The following BLVRA variants were observed in gnomAD, a reference collection of about 807,000 sequenced individuals.
The protein encoded by BLVRA is biliverdin reductase A.
BLVRA carries 22 observed loss-of-function variants against 32.8 expected under a neutral mutation model. That is an observed-to-expected ratio of 0.67 (90% CI 0.48 to 0.96). The LOEUF (loss-of-function observed/expected upper bound fraction) is 0.96, where lower values mean the gene tolerates loss of function less well. Ranked by LOEUF, BLVRA falls within the 40% of genes least tolerant of loss-of-function variation. The pLI is 0.00. For synonymous variants in BLVRA, 119 were observed against 141.3 expected, an observed-to-expected ratio of 0.84 and a Z score of 1.12; for missense variants, 323 against 358.1, an observed-to-expected ratio of 0.90 and a Z score of 0.79.
intron 2 of BLVRA, among the ~76,000 whole-genome samples, chr7:43,781,296 C>T (rs185103669): frequency 1.3e-5 from 2 of 152,254 alleles, no homozygotes; most frequent in East Asian, 1.9e-4. Context: ...CCTTTATAGT[C>T]ACAACCTCCC....
intron 1 of BLVRA, among the ~76,000 whole-genome samples, chr7:43,768,692 G>T (rs534763002): frequency 6.6e-6 from 1 of 152,078 alleles, no homozygotes; most frequent in African/African-American, 2.4e-5. Flanking sequence ...TATCACTCAC[G>T]TGCAAGCTCC....
intron 5 of BLVRA, among the ~76,000 whole-genome samples, chr7:43,795,810 G>GA (rs1298452301): frequency 2.6e-5 from 4 of 151,470 alleles, no homozygotes; most frequent in Non-Finnish European, 4.4e-5. Flanking sequence ...AGCAGATTAA[G>GA]AAAAAAAAGA....
intron 3 of BLVRA, 108 bp downstream of exon 3, chr7:43,788,133 C>T (rs1268355868): frequency 2.7e-5 from 42 of 1,572,558 alleles, no homozygotes; most frequent in Middle Eastern, 3.5e-4. Context: ...AGCCATCTCC[C>T]AACTGAGAAC....
chr7:43,780,703 G>A (rs770927999), intron 2 of BLVRA, among the ~76,000 whole-genome samples: 2 of 152,144 alleles, frequency 1.3e-5, no homozygotes, highest in African/African-American at 4.8e-5. Flanking sequence ...GCAAGGCCCC[G>A]CTCTCAGACT....
At chr7:43,760,487 G>A (rs1304132690) in intron 1 of BLVRA, among the ~76,000 whole-genome samples, 1 of 152,098 alleles carries the variant, frequency 6.6e-6, no homozygotes, top group Non-Finnish European at 1.5e-5. Context: ...GGCGTATCCA[G>A]GACTCTGATG....
chr7:43,800,546 T>C lies in BLVRA; in HGVS notation c.434T>C (p.Leu145Pro). The C allele has an allele frequency of 6.2e-7, 1 of 1,614,028 alleles. No homozygotes were observed. Reference sequence around the variant, plus strand: ...AAAAAAGAAGTGGTGGGGAAAGACCTGCTGAAAGGGTCGCTCCTCTTCACA... The same window carrying C: ...AAAAAAGAAGTGGTGGGGAAAGACCCGCTGAAAGGGTCGCTCCTCTTCACA... ...FLKKEVVGKD[L>P]LKGSLLFTAG... The change falls in exon 6 of 8, where the codon CTG becomes CCG. Residue 145 changes from leucine (L) to proline (P), a missense_variant. Coordinates refer to ENST00000265523, the MANE Select transcript of BLVRA (RefSeq NM_000712.4).
Position 43,807,138 on chromosome 7 carries a change from A to T in BLVRA, c.794A>T (p.Gln265Leu). 1 of 1,614,148 alleles carries T rather than the reference A, an allele frequency of 6.2e-7. No individual in the cohort carries two copies. The highest frequency in any genetic ancestry group is 1.1e-5 in the South Asian group (1 of 91,088). Residue 265 changes from glutamine to leucine, a missense_variant, in exon 8 of 8, where the codon CAG becomes CTG. Transcript: ENST00000265523. ...QNIFVQKLLG[Q>L]FSEKELAAEK... Reference sequence around the variant, plus strand: ...ATATTTGTCCAGAAACTCTTGGGCCAGTTCTCTGAGAAGGAACTGGCTGCT... The same window carrying T: ...ATATTTGTCCAGAAACTCTTGGGCCTGTTCTCTGAGAAGGAACTGGCTGCT...
chr7:43,768,638 TTCTGTTA>T (rs1047112976), intron 1 of BLVRA, among the ~76,000 whole-genome samples: 5 of 152,180 alleles, frequency 3.3e-5, no homozygotes, highest in African/African-American at 1.2e-4. Context: ...CATTTGGGTG[TTCTGTTA>T]TCTGTTATCT....
At chr7:43,798,197 CAAAAAAAAAA>C (rs56855757) in intron 5 of BLVRA, among the ~76,000 whole-genome samples, 29 of 45,198 alleles carry the variant, frequency 6.4e-4, no homozygotes, top group Middle Eastern at 0.028. Flanking sequence ...CCCCATCTCA[CAAAAAAAAAA>C]AAAAAAAAAA....
intron 5 of BLVRA, among the ~76,000 whole-genome samples, chr7:43,796,121 C>CAAAA (rs371922009): frequency 2.3e-4 from 15 of 66,642 alleles, no homozygotes; most frequent in Non-Finnish European, 3.6e-4. Context: ...CTCTGTCTCA[C>CAAAA]AAAAAAAAAA....
intron 5 of BLVRA, among the ~76,000 whole-genome samples, chr7:43,793,618 CTTT>C (rs35816005): frequency 3.7e-5 from 5 of 135,490 alleles, no homozygotes; most frequent in Non-Finnish European, 6.3e-5. Flanking sequence ...TCTTTTACAA[CTTT>C]TTTTTTTTTT....
chr7:43,781,220 T>C (rs1326260518), intron 2 of BLVRA, among the ~76,000 whole-genome samples: 7 of 152,110 alleles, frequency 4.6e-5, no homozygotes, highest in African/African-American at 1.7e-4. Context: ...AAAACACATA[T>C]GTGTAACCAT....
chr7:43,768,156 G>A (rs2095750245), intron 1 of BLVRA, among the ~76,000 whole-genome samples: 1 of 152,200 alleles, frequency 6.6e-6, no homozygotes, highest in African/African-American at 2.4e-5. Flanking sequence ...CTGTGATCAT[G>A]ACTGAGGGTA....
At chr7:43,779,984 C>A (rs1202162194) in intron 2 of BLVRA, among the ~76,000 whole-genome samples, 1 of 152,012 alleles carries the variant, frequency 6.6e-6, no homozygotes, top group Non-Finnish European at 1.5e-5. Context: ...TGCGATTCTC[C>A]CACCTCAGCC....
intron 2 of BLVRA, among the ~76,000 whole-genome samples, chr7:43,778,151 C>T (rs1263700329): frequency 1.5e-4 from 23 of 152,192 alleles, no homozygotes; most frequent in African/African-American, 5.5e-4. Context: ...CTCATCAAAG[C>T]CATTCTCCGT....
At position 43,773,436 on chromosome 7, in the gene BLVRA, G is replaced by C. The variant is rs1021221424; in HGVS notation, c.12+2266G>C. Among the ~76,000 whole-genome samples, 18 of 152,098 alleles carry C rather than the reference G, an allele frequency of 1.2e-4. 1 individual carries two copies. Among genetic ancestry groups the C allele is most frequent in the Non-Finnish European group, 5.9e-5 (4 of 68,030 alleles). ...AGCTTGCTGAGAATGATGATTTCCAGTTTCATCCATGTCCCTACAAAGGAC... is the reference window on the plus strand; with the variant it reads ...AGCTTGCTGAGAATGATGATTTCCACTTTCATCCATGTCCCTACAAAGGAC... On this transcript the variant is annotated intron_variant, in intron 2 of 7. Transcript: ENST00000265523.
chr7:43,797,535 T>A (rs2095794164), intron 5 of BLVRA, among the ~76,000 whole-genome samples: 1 of 152,268 alleles, frequency 6.6e-6, no homozygotes. Flanking sequence ...TATTGCAATA[T>A]TCACTTTATT....
At chr7:43,800,937 A>G (rs1190900658) in intron 6 of BLVRA, among the ~76,000 whole-genome samples, 1 of 152,186 alleles carries the variant, frequency 6.6e-6, no homozygotes, top group Admixed American at 6.5e-5. Flanking sequence ...AGCAAGTTAC[A>G]AGGACATTGG....
intron 2 of BLVRA, among the ~76,000 whole-genome samples, chr7:43,781,412 T>C (rs188252748): frequency 3.2e-4 from 49 of 152,238 alleles, no homozygotes; most frequent in African/African-American, 1.1e-3. Flanking sequence ...AGTGGTGTGA[T>C]CTCAGCTCAC....
Sources: gnomAD v4.1 joint callset for allele counts (sites outside exome capture counted in the v4.1 genomes callset) on GRCh38, gnomAD v4.1.1 for gene constraint, MANE v1.5 for transcripts, NCBI Gene and HGNC (gene_info 2026-07-23, HGNC 2026-07-21) for gene names.